PCDHGA3: variants seen among roughly 807,000 people sequenced by gnomAD.
PCDHGA3 encodes the protein protocadherin gamma subfamily A, 3, also known as protocadherin gamma-A3.
Under a neutral mutation model 58.5 loss-of-function variants are expected in PCDHGA3, and 40 were observed. That is an observed-to-expected ratio of 0.68 (90% CI 0.53 to 0.89). The LOEUF (loss-of-function observed/expected upper bound fraction) is 0.89. PCDHGA3 is among the 40% of genes least tolerant of loss of function. PCDHGA3 has a pLI of 0.00. For synonymous variants in PCDHGA3, 530 were observed against 525.7 expected, an observed-to-expected ratio of 1.01 and a Z score of -0.11; for missense variants, 1,223 against 1,195.9, an observed-to-expected ratio of 1.02 and a Z score of -0.33.
rs367939205 is a variant in PCDHGA3 at position 141,383,529 on chromosome 5, G to A, written c.2424+37072G>A. ...GGGAGGAAGAGCGGGTTCACCACCT[G>A]GTCCTCACAGCCTCTGATGGCGGCG... On this transcript the variant is annotated intron_variant, in intron 1 of 3. Transcript: ENST00000253812. The A allele has an allele frequency of 3.0e-5, 48 of 1,612,474 alleles. No homozygotes were observed. The African/African-American group carries it at 5.7e-4, about 19-fold the overall frequency.
At chr5:141,388,228 A>G (rs768450383) in intron 1 of PCDHGA3, 9 of 1,605,464 alleles carry the variant, frequency 5.6e-6, no homozygotes, top group Non-Finnish European at 7.7e-6. Context: ...AATCCACTGA[A>G]CTTTTATCAC....
intron 1 of PCDHGA3, among the ~76,000 whole-genome samples, chr5:141,463,736 G>A (rs757788192): frequency 1.3e-5 from 2 of 151,992 alleles, no homozygotes; most frequent in East Asian, 3.9e-4. Flanking sequence ...ATGAGCCACC[G>A]CGCCCGGCCT....
intron 1 of PCDHGA3, chr5:141,392,912 C>T: frequency 6.2e-7 from 1 of 1,613,908 alleles, no homozygotes; most frequent in South Asian, 1.1e-5. Context: ...AGATTCGCTA[C>T]TCTGTGCCAG....
intron 1 of PCDHGA3, chr5:141,374,587 G>A: frequency 1.2e-6 from 2 of 1,613,722 alleles, no homozygotes; most frequent in Non-Finnish European, 1.7e-6. Context: ...ACTCCCTTCA[G>A]GGATTTAAGC....
intron 1 of PCDHGA3, chr5:141,411,426 A>T (rs115154023): frequency 6.6e-6 from 1 of 151,648 alleles, no homozygotes; most frequent in Non-Finnish European, 1.5e-5. Flanking sequence ...ACAACAACAA[A>T]AAAAAACATT....
chr5:141,475,929 C>A, intron 1 of PCDHGA3: 1 of 634,624 alleles, frequency 1.6e-6, no homozygotes, highest in Non-Finnish European at 2.7e-6. Context: ...GGAGATCGGG[C>A]CCCTGCCCGT....
Position 141,346,049 on chromosome 5 carries a change from G to C in PCDHGA3, c.2016G>C (p.Leu672=). ...VAVADRIPDI[L]ADLGSLEPSA... ...TGGCCGACAGGATCCCCGACATCCT[G>C]GCCGACCTGGGCAGCCTCGAGCCCT... is the stretch of plus-strand genomic sequence containing the variant. The change falls in exon 1 of 4, where the codon CTG becomes CTC. Residue 672 remains leucine, a synonymous_variant. Transcript: ENST00000253812. 6.2e-7 allele frequency: 1 copy of C among 1,613,576 alleles called. No homozygotes were observed. Among genetic ancestry groups the C allele is most frequent in the Middle Eastern group, 1.7e-4 (1 of 5,852 alleles).
intron 1 of PCDHGA3, chr5:141,395,503 G>A (rs1428846111): frequency 2.2e-6 from 1 of 457,378 alleles, no homozygotes; most frequent in Non-Finnish European, 3.8e-6. Flanking sequence ...ATTCACTTAA[G>A]AAGTAGCTAC....
chr5:141,365,223 T>C (rs1561533548), intron 1 of PCDHGA3: 7 of 1,613,924 alleles, frequency 4.3e-6, no homozygotes, highest in Non-Finnish European at 5.9e-6. Context: ...GATTCCAACC[T>C]GGGGGAAATC....
intron 1 of PCDHGA3, among the ~76,000 whole-genome samples, chr5:141,488,117 G>A (rs1231303931): frequency 6.6e-6 from 1 of 152,190 alleles, no homozygotes; most frequent in African/African-American, 2.4e-5. Flanking sequence ...GAAACATAGA[G>A]ACAGCAGAAA....
At chr5:141,348,460 G>C (rs953284866) in intron 1 of PCDHGA3, among the ~76,000 whole-genome samples, 1 of 152,264 alleles carries the variant, frequency 6.6e-6, no homozygotes, top group Non-Finnish European at 1.5e-5. Context: ...AATGTTTATA[G>C]TATTAGTATC....
intron 1 of PCDHGA3, chr5:141,414,594 C>T: frequency 1.2e-6 from 2 of 1,613,952 alleles, no homozygotes; most frequent in Non-Finnish European, 1.7e-6. Flanking sequence ...CCAGGGGTGC[C>T]TCCATCTTCT....
chr5:141,352,332 C>A, intron 1 of PCDHGA3: 3 of 1,614,078 alleles, frequency 1.9e-6, no homozygotes, highest in South Asian at 1.1e-5. Context: ...CTGGTTGTGG[C>A]CTTGGCCTTG....
chr5:141,412,416 G>A (rs897228706), intron 1 of PCDHGA3: 1 of 152,162 alleles, frequency 6.6e-6, no homozygotes, highest in Non-Finnish European at 1.5e-5. Flanking sequence ...GATAAAGTAT[G>A]TTTTACACAA....
chr5:141,393,194 C>T (rs770162660), intron 1 of PCDHGA3: 4 of 1,613,360 alleles, frequency 2.5e-6, no homozygotes, highest in Non-Finnish European at 2.5e-6. Flanking sequence ...TTGATATTAA[C>T]GATAATAACC....
chr5:141,421,850 C>T, intron 1 of PCDHGA3: 1 of 1,613,752 alleles, frequency 6.2e-7, no homozygotes, highest in Non-Finnish European at 8.5e-7. Context: ...AAAGAGGCTG[C>T]TCACCTGCTC....
In PCDHGA3 at chr5:141,345,863, G is replaced by C; in HGVS notation, c.1830G>C (p.Lys610Asn). The change falls in exon 1 of 4, where the codon AAG (lysine) becomes AAC (asparagine). Residue 610 changes from lysine (K) to asparagine (N), a missense_variant. Transcript: ENST00000253812. ...CCTGGCTGTCCTACCGCCTGCTCAA[G>C]GCCAGCGAGCCGGGACTCTTCTCGG... ...QNAWLSYRLL[K>N]ASEPGLFSVG... is the part of the protein sequence containing the mutation. 1 of 1,613,498 alleles carries C rather than the reference G, an allele frequency of 6.2e-7. No individual in the cohort carries two copies. Among genetic ancestry groups the C allele is most frequent in the African/African-American group, 1.3e-5 (1 of 75,050 alleles).
In PCDHGA3 at chr5:141,351,908, G is replaced by C. The variant is rs776380537; in HGVS notation, c.2424+5451G>C. ...CGTGAGCCTGCGCGTGTTGGTGGGCGACCTCAATGACAATGCGCCACGGGT... is the reference window on the plus strand; with the variant it reads ...CGTGAGCCTGCGCGTGTTGGTGGGCCACCTCAATGACAATGCGCCACGGGT... On this transcript the variant is annotated intron_variant, in intron 1 of 3. Transcript: ENST00000253812. 5 of 1,613,294 alleles carry C rather than the reference G, an allele frequency of 3.1e-6. No homozygotes were observed. The highest frequency in any genetic ancestry group is 3.3e-5 in the Admixed American group (2 of 59,998).
At chr5:141,459,315 T>C (rs2154566534) in intron 1 of PCDHGA3, among the ~76,000 whole-genome samples, 1 of 152,362 alleles carries the variant, frequency 6.6e-6, no homozygotes, top group East Asian at 1.9e-4. Context: ...CTATTTTGTA[T>C]CCATCTTCTT....
Sources: allele counts gnomAD v4.1 joint callset (sites outside exome capture counted in the v4.1 genomes callset), GRCh38; gene constraint gnomAD v4.1.1; transcripts MANE v1.5; gene names NCBI Gene and HGNC (gene_info 2026-07-23, HGNC 2026-07-21).